RGS7: variants seen among roughly 807,000 people sequenced by gnomAD.
RGS7 encodes regulator of G-protein signaling 7.
RGS7 carries 27 observed loss-of-function variants against 81.1 expected under a neutral mutation model. That is an observed-to-expected ratio of 0.33 (90% confidence interval 0.25 to 0.46). The LOEUF (loss-of-function observed/expected upper bound fraction) is 0.46, where lower values mean the gene tolerates loss of function less well. RGS7 is among the 20% of genes least tolerant of loss of function. RGS7 has a pLI of 1.00. For missense variants in RGS7, 396 were observed against 607.4 expected, an observed-to-expected ratio of 0.65 and a Z score of 3.66; for synonymous variants, 208 against 207.7, an observed-to-expected ratio of 1.00 and a Z score of -0.01.
intron 3 of RGS7, among the ~76,000 whole-genome samples, chr1:241,037,072 A>G (rs946052731): frequency 1.3e-5 from 2 of 152,208 alleles, no homozygotes; most frequent in South Asian, 2.1e-4. Context: ...TTATGATTTG[A>G]GGATTTATCT....
At position 241,220,968 on chromosome 1, in the gene RGS7, AG is replaced by A. The variant is rs1460434641; in HGVS notation, c.79-122207del. Among the ~76,000 whole-genome samples, 16 of 95,386 alleles carry A rather than the reference AG, an allele frequency of 1.7e-4. 1 individual carries two copies. The highest frequency in any genetic ancestry group is 4.8e-4 in the African/African-American group (12 of 24,940). The allele number at this position is 95,386 out of a possible 152,430, so 62.6% of individuals were successfully genotyped here. A position where few individuals can be genotyped will look rare whatever the true frequency, so the allele number is the denominator to read the frequency against. On this transcript the variant is annotated intron_variant, in intron 2 of 18. Coordinates refer to ENST00000440928, the MANE Select transcript of RGS7 (RefSeq NM_001364886.1). ...GAAGAAGCAAGGAAGGAAGGAAGGA[AG>A]GAAGGAAGGAAGGAAGGAAGGAAGG...
chr1:241,173,094 G>A (rs1558153894), intron 2 of RGS7, among the ~76,000 whole-genome samples: 1 of 152,152 alleles, frequency 6.6e-6, no homozygotes, highest in Non-Finnish European at 1.5e-5. Context: ...TTCATGATCA[G>A]TATTATTATC....
chr1:241,016,030 A>C (rs1383569111), intron 3 of RGS7, among the ~76,000 whole-genome samples: 1 of 152,194 alleles, frequency 6.6e-6, no homozygotes, highest in East Asian at 1.9e-4. Context: ...TTTATTGTTT[A>C]ATTCAGAGGT....
At chr1:241,122,456 G>T (rs1273144244) in intron 2 of RGS7, among the ~76,000 whole-genome samples, 2 of 151,902 alleles carry the variant, frequency 1.3e-5, no homozygotes, top group African/African-American at 4.8e-5. Context: ...TGAGATCAGG[G>T]GTTTGAGACC....
intron 6 of RGS7, among the ~76,000 whole-genome samples, chr1:240,907,465 A>AAAATACT (rs71172659): frequency 0.1 from 15,905 of 152,036 alleles, 1,099 homozygotes; most frequent in Middle Eastern, 0.18. Flanking sequence ...CTAAAATAAT[A>AAAATACT]AAATACTAAA....
intron 4 of RGS7, among the ~76,000 whole-genome samples, chr1:240,977,897 C>T (rs1684380670): frequency 6.6e-6 from 1 of 152,166 alleles, no homozygotes; most frequent in African/African-American, 2.4e-5. Flanking sequence ...TCAGCCATGG[C>T]CATGTCTTGG....
rs564509652 is a variant in RGS7 at position 241,333,963 on chromosome 1, TATA to T, written c.78+21733_78+21735del. ...TAATTAATATTATTGTAATAGCAAT[TATA>T]ATATTATAGTTTTATAAACATTGGT... On this transcript the variant is annotated intron_variant, in intron 2 of 18. Transcript: ENST00000440928. 6.8e-4 allele frequency among the ~76,000 whole-genome samples: 103 copies of T among 151,680 alleles called. 2 individuals are homozygous for T. The highest frequency in any genetic ancestry group is 3.9e-3 in the Admixed American group (59 of 15,192).
chr1:241,257,206 C>T (rs537185869), intron 2 of RGS7, among the ~76,000 whole-genome samples: 1 of 152,182 alleles, frequency 6.6e-6, no homozygotes, highest in African/African-American at 2.4e-5. Flanking sequence ...AAGGTGCCAG[C>T]AGATTCAGTG....
At chr1:241,127,818 G>A (rs1219051585) in intron 2 of RGS7, among the ~76,000 whole-genome samples, 1 of 152,114 alleles carries the variant, frequency 6.6e-6, no homozygotes, top group Non-Finnish European at 1.5e-5. Flanking sequence ...TAAAAACATA[G>A]TTTTGGAGAT....
At chr1:241,015,464 T>C (rs2059171653) in intron 3 of RGS7, among the ~76,000 whole-genome samples, 1 of 152,228 alleles carries the variant, frequency 6.6e-6, no homozygotes, top group Admixed American at 6.5e-5. Context: ...CTTAAACATC[T>C]AATATATAAA....
At chr1:240,981,096 A>G (rs1405953492) in intron 4 of RGS7, among the ~76,000 whole-genome samples, 1 of 151,836 alleles carries the variant, frequency 6.6e-6, no homozygotes, top group African/African-American at 2.4e-5. Context: ...CTACACCTTC[A>G]GGTTTTTTTT....
At chr1:241,222,943 C>T (rs1392776511) in intron 2 of RGS7, among the ~76,000 whole-genome samples, 1 of 151,898 alleles carries the variant, frequency 6.6e-6, no homozygotes, top group Non-Finnish European at 1.5e-5. Flanking sequence ...CAATAGTTTG[C>T]TGAGAATGAC....
At chr1:240,883,058 A>G (rs1439674111) in intron 6 of RGS7, among the ~76,000 whole-genome samples, 1 of 152,082 alleles carries the variant, frequency 6.6e-6, no homozygotes, top group Non-Finnish European at 1.5e-5. Flanking sequence ...ATGTCCCTAC[A>G]AAGGACATGA....
intron 4 of RGS7, among the ~76,000 whole-genome samples, chr1:240,954,558 G>GAA (rs71172663): frequency 0.33 from 49,352 of 151,160 alleles, 8,482 homozygotes; most frequent in Admixed American, 0.38. Context: ...CCATGTAAAA[G>GAA]AAAAAAAAAC....
chr1:241,101,739 T>A (rs954775454), intron 2 of RGS7, among the ~76,000 whole-genome samples: 7 of 152,216 alleles, frequency 4.6e-5, no homozygotes, highest in African/African-American at 1.7e-4. Context: ...AGCTGCTTTG[T>A]CCTGCCTCAT....
chr1:241,321,069 AT>A (rs2081180597), intron 2 of RGS7, among the ~76,000 whole-genome samples: 1 of 152,214 alleles, frequency 6.6e-6, no homozygotes, highest in Non-Finnish European at 1.5e-5. Flanking sequence ...AAAGTATAGA[AT>A]TGGAAAAGAT....
intron 2 of RGS7, among the ~76,000 whole-genome samples, chr1:241,277,799 T>C (rs1198466531): frequency 6.6e-6 from 1 of 152,178 alleles, no homozygotes; most frequent in East Asian, 1.9e-4. Context: ...ATTTGTTTAG[T>C]AGAGGTCTAG....
chr1:240,827,864 C>CAAAAAAAAAAAAAAAAAAAAAA (rs57562408), intron 9 of RGS7, among the ~76,000 whole-genome samples: 1 of 52,864 alleles, frequency 1.9e-5, no homozygotes. Context: ...AACTCCATTG[C>CAAAAAAAAAAAAAAAAAAAAAA]AAAAAAAAAA....
chr1:241,100,803 G>A (rs1053053162), intron 2 of RGS7, among the ~76,000 whole-genome samples: 1 of 152,206 alleles, frequency 6.6e-6, no homozygotes, highest in African/African-American at 2.4e-5. Context: ...AAATGTCCAT[G>A]CACACCCACG....
Sources: allele counts gnomAD v4.1 joint callset (sites outside exome capture counted in the v4.1 genomes callset), GRCh38; gene constraint gnomAD v4.1.1; transcripts MANE v1.5; gene names NCBI Gene and HGNC (gene_info 2026-07-23, HGNC 2026-07-21).